The following FYN variants were observed in gnomAD, a reference collection of about 807,000 sequenced individuals.
FYN encodes the protein tyrosine-protein kinase Fyn.
A neutral mutation model predicts 70.2 loss-of-function variants in FYN; 10 were observed. The observed-to-expected ratio is 0.14, with a 90% CI of 0.09 to 0.24. The LOEUF is 0.24. Ranked by LOEUF, FYN falls within the 10% of genes least tolerant of loss-of-function variation. FYN has a pLI of 1.00. For synonymous variants in FYN, 236 were observed against 248.6 expected (o/e 0.95, Z 0.48); for missense variants, 319 against 673.1 (o/e 0.47, Z 5.82).
intron 1 of FYN, among the ~76,000 whole-genome samples, chr6:111,872,012 C>G (rs1348880359): frequency 6.6e-6 from 1 of 152,182 alleles, no homozygotes; most frequent in Admixed American, 6.5e-5. Flanking sequence ...AAGCATCGTG[C>G]CTATCCTAGG....
intron 2 of FYN, among the ~76,000 whole-genome samples, chr6:111,787,356 T>G (rs918517097): frequency 2.6e-5 from 4 of 152,196 alleles, no homozygotes; most frequent in Admixed American, 1.3e-4. Context: ...TGTCAGGTTT[T>G]TCAAAGATCA....
rs149469876 is a variant in FYN, at chr6:111,846,007, A to G, written c.-82+582T>C. 3.3e-4 allele frequency among the ~76,000 whole-genome samples: 51 copies of G among 152,292 alleles called. 1 individual carries two copies. The highest frequency in any genetic ancestry group is 2.0e-3 in the Admixed American group (30 of 15,304). On this transcript the variant is annotated intron_variant, in intron 2 of 13. Transcript: ENST00000354650. ...TGCACAGCTCTCAGATTGTACCATCATTACCTGAGTACTTGTCAGTCACAT... is the reference window on the plus strand; with the variant it reads ...TGCACAGCTCTCAGATTGTACCATCGTTACCTGAGTACTTGTCAGTCACAT...
intron 2 of FYN, among the ~76,000 whole-genome samples, chr6:111,843,388 G>C (rs935579868): frequency 1.3e-5 from 2 of 152,062 alleles, no homozygotes; most frequent in Non-Finnish European, 2.9e-5. Context: ...TTTTAAATGG[G>C]TATGGGTTTC....
At chr6:111,681,302 A>C (rs1261787777) in intron 12 of FYN, among the ~76,000 whole-genome samples, 1 of 152,170 alleles carries the variant, frequency 6.6e-6, no homozygotes, top group Non-Finnish European at 1.5e-5. Flanking sequence ...TGCTGCAATT[A>C]CAGGCATGAG....
chr6:111,853,913 T>C (rs186862917), intron 1 of FYN, among the ~76,000 whole-genome samples: 46 of 152,102 alleles, frequency 3.0e-4, no homozygotes, highest in African/African-American at 1.0e-3. Flanking sequence ...TTGTGGGAAG[T>C]GGGGTTGGAA....
intron 3 of FYN, among the ~76,000 whole-genome samples, chr6:111,780,098 T>C (rs1237906159): frequency 1.3e-5 from 2 of 152,226 alleles, no homozygotes; most frequent in East Asian, 1.9e-4. Context: ...ACCACTGTTA[T>C]GCTGGTCTGT....
At chr6:111,781,095 A>C (rs998142348) in intron 2 of FYN, 1 of 152,146 alleles carries the variant, frequency 6.6e-6, no homozygotes, top group Non-Finnish European at 1.5e-5. Context: ...AATAGGGATT[A>C]CTGTACTGAC....
chr6:111,760,023 G>GAGAC (rs1381981683), intron 3 of FYN: 2 of 151,662 alleles, frequency 1.3e-5, no homozygotes, highest in East Asian at 3.9e-4. Context: ...CAGACCAAAT[G>GAGAC]AGACAGTGAC....
intron 2 of FYN, among the ~76,000 whole-genome samples, chr6:111,786,808 A>G (rs1442102091): frequency 1.3e-5 from 2 of 152,186 alleles, no homozygotes; most frequent in African/African-American, 4.8e-5. Flanking sequence ...CATTTCTCTG[A>G]TGGCCAGTGA....
chr6:111,709,630 T>C (rs538586619), intron 5 of FYN, among the ~76,000 whole-genome samples: 2 of 152,382 alleles, frequency 1.3e-5, no homozygotes, highest in East Asian at 3.9e-4. Flanking sequence ...TTCAGAAAGT[T>C]CTTTATTCAT....
chr6:111,674,442 A>G, intron 13 of FYN, 57 bp downstream of exon 13: 1 of 1,554,490 alleles, frequency 6.4e-7, no homozygotes, highest in Admixed American at 1.9e-5. Flanking sequence ...AGTTTTCCCA[A>G]ATGGTGTCAA....
chr6:111,729,740 G>C (rs1801359832), intron 3 of FYN, among the ~76,000 whole-genome samples: 1 of 152,132 alleles, frequency 6.6e-6, no homozygotes, highest in Non-Finnish European at 1.5e-5. Flanking sequence ...TGTTATATTA[G>C]GAAGGATCAC....
intron 2 of FYN, among the ~76,000 whole-genome samples, chr6:111,796,380 C>T (rs1200694747): frequency 6.6e-6 from 1 of 152,170 alleles, no homozygotes; most frequent in Admixed American, 6.5e-5. Flanking sequence ...TAATTACCTA[C>T]AGTATTTAGT....
At position 111,728,514 on chromosome 6, in the gene FYN, T is replaced by C. The variant is rs966639337; in HGVS notation, c.-11-8452A>G. On this transcript the variant is annotated intron_variant, in intron 3 of 13. Transcript: ENST00000354650. ...AGCAATCGCTACCCACTCCCTTCTC[T>C]CCCCAGCCCCTGGCAACCACGAATC... Among the ~76,000 whole-genome samples the C allele has an allele frequency of 3.3e-5, 5 of 152,112 alleles. 1 individual carries two copies. Among genetic ancestry groups the C allele is most frequent in the African/African-American group, 1.2e-4 (5 of 41,414 alleles).
At chr6:111,764,985 G>T (rs2128496221) in intron 3 of FYN, among the ~76,000 whole-genome samples, 1 of 147,982 alleles carries the variant, frequency 6.8e-6, no homozygotes, top group South Asian at 2.2e-4. Flanking sequence ...CCTCTCGGTG[G>T]GGCCGAAGCA....
chr6:111,714,607 CTG>C, intron 4 of FYN, 164 bp from the exon 5 acceptor site: 1 of 620,410 alleles, frequency 1.6e-6, no homozygotes, highest in East Asian at 2.8e-5. Context: ...AGTCACAGGG[CTG>C]TGTTTATGCC....
chr6:111,815,375 ATGTT>A (rs1772453801), intron 2 of FYN, among the ~76,000 whole-genome samples: 2 of 152,238 alleles, frequency 1.3e-5, no homozygotes, highest in African/African-American at 4.8e-5. Flanking sequence ...AGGAACTGAA[ATGTT>A]TGTAGTTTTA....
intron 1 of FYN, among the ~76,000 whole-genome samples, chr6:111,867,460 A>G (rs995235356): frequency 1.9e-4 from 21 of 109,142 alleles, no homozygotes; most frequent in Admixed American, 1.4e-3. Flanking sequence ...CGTCTCGGGA[A>G]AAAAAAAAAA....
intron 3 of FYN, among the ~76,000 whole-genome samples, chr6:111,778,848 GT>G (rs1201083443): frequency 2.6e-5 from 4 of 151,522 alleles, no homozygotes; most frequent in Admixed American, 6.6e-5. Flanking sequence ...AAATGCTGGG[GT>G]TTTTTTTCTT....
Sources: allele counts gnomAD v4.1 joint callset (sites outside exome capture counted in the v4.1 genomes callset), GRCh38; gene constraint gnomAD v4.1.1; transcripts MANE v1.5; gene names NCBI Gene and HGNC (gene_info 2026-07-23, HGNC 2026-07-21).